The following ZSWIM9 variants were observed in gnomAD, a reference collection of about 807,000 sequenced individuals.
ZSWIM9 encodes zinc finger SWIM-type containing 9, also known as uncharacterized protein ZSWIM9.
Under a neutral mutation model 25.0 loss-of-function variants are expected in ZSWIM9, and 11 were observed. The ratio of observed to expected loss-of-function variants is 0.44; its 90% CI spans 0.28 to 0.73. ZSWIM9 has a LOEUF of 0.73. Among genes scored for constraint, ZSWIM9 ranks in the 30% least tolerant of loss-of-function variants. The pLI is 0.16. For synonymous variants in ZSWIM9, 562 were observed against 582.1 expected, an observed-to-expected ratio of 0.97 and a Z score of 0.50; for missense variants, 1,070 against 1,296.5, an observed-to-expected ratio of 0.83 and a Z score of 2.68.
At chr19:48,172,314 A>G (rs1254110086) in intron 2 of ZSWIM9, among the ~76,000 whole-genome samples, 1 of 151,550 alleles carries the variant, frequency 6.6e-6, no homozygotes, top group African/African-American at 2.4e-5. Context: ...GGCCCGACTT[A>G]CAGACTTTTT....
intron 3 of ZSWIM9, among the ~76,000 whole-genome samples, chr19:48,187,967 G>A (rs1488825897): frequency 6.6e-6 from 1 of 151,352 alleles, no homozygotes; most frequent in Non-Finnish European, 1.5e-5. Context: ...TAGATAGATA[G>A]ATAGATAGAT....
At position 48,196,779 on chromosome 19, in the gene ZSWIM9, C is replaced by G; in HGVS notation, c.2715C>G (p.Phe905Leu). Residue 905 changes from phenylalanine (F) to leucine (L), a missense_variant, in exon 4 of 4, where the codon TTC (phenylalanine) becomes TTG (leucine). Transcript: ENST00000614654. ...GCCTCCTCACTGGGGCTGCCTTATT[C>G]CACATGGACCTGCTCAGGGATTGCT... The part of the protein sequence containing the change: ...AARLLTGAAL[F>L]HMDLLRDCWG... 1 of 1,234,444 alleles carries G rather than the reference C, an allele frequency of 8.1e-7. No individual in the cohort carries two copies. Among genetic ancestry groups the G allele is most frequent in the Non-Finnish European group, 1.0e-6 (1 of 989,470 alleles). 76.5% of individuals were successfully genotyped at this position (1,234,444 alleles called of 1,614,324 possible). A position where few individuals can be genotyped will look rare whatever the true frequency, so the allele number is the denominator to read the frequency against.
At chr19:48,171,165 G>A in intron 1 of ZSWIM9, 1 of 927,300 alleles carries the variant, frequency 1.1e-6, no homozygotes, top group Non-Finnish European at 1.3e-6. Flanking sequence ...ACAGCTGCAT[G>A]TGGCGAGCCA....
At position 48,195,756 on chromosome 19, in the gene ZSWIM9, G is replaced by C; in HGVS notation, c.1692G>C (p.Leu564Phe). 1 of 1,490,252 alleles carries C rather than the reference G, an allele frequency of 6.7e-7. No individual in the cohort carries two copies. The highest frequency in any genetic ancestry group is 8.9e-7 in the Non-Finnish European group (1 of 1,127,558). 92.3% of individuals were successfully genotyped at this position (1,490,252 alleles called of 1,614,324 possible). Residue 564 changes from leucine (L) to phenylalanine (F), a missense_variant, in exon 4 of 4, where the codon TTG becomes TTC. Transcript: ENST00000614654. The surrounding 1 kb of genome is among the most constrained non-coding windows in gnomAD (Gnocchi z 5.8). Reference protein sequence around the residue: ...PEIRDWRGPQLEGEKDWGLEG... With the variant: ...PEIRDWRGPQFEGEKDWGLEG... ...TTAGAGACTGGAGGGGGCCCCAGTTGGAGGGTGAGAAAGATTGGGGACTGG... is the reference window on the plus strand; with the variant it reads ...TTAGAGACTGGAGGGGGCCCCAGTTCGAGGGTGAGAAAGATTGGGGACTGG...
chr19:48,187,428 ATTATATTATATATAT>A (rs1263389985), intron 3 of ZSWIM9, among the ~76,000 whole-genome samples: 1 of 104,380 alleles, frequency 9.6e-6, no homozygotes, highest in African/African-American at 3.7e-5. Flanking sequence ...TATATATTAT[ATTATATTATATATAT>A]TATATATTAT....
At position 48,187,479 on chromosome 19, in the gene ZSWIM9, T is replaced by C. The variant is rs866116409; in HGVS notation, c.588+4712T>C. 9.6e-3 allele frequency among the ~76,000 whole-genome samples: 636 copies of C among 66,380 alleles called. 14 individuals are homozygous for C. The highest frequency in any genetic ancestry group is 0.039 in the African/African-American group (605 of 15,324). 43.5% of individuals were successfully genotyped at this position (66,380 alleles called of 152,430 possible). On this transcript the variant is annotated intron_variant, in intron 3 of 3. Transcript: ENST00000614654. ...ATATTAATTATATATATTATATATA[T>C]TATATATTATATTATAATATATTAT...
Position 48,195,070 on chromosome 19 carries a change from G to A in ZSWIM9, c.1006G>A (p.Gly336Ser). The A allele has an allele frequency of 7.3e-7, 1 of 1,374,832 alleles. No homozygotes were observed. The highest frequency in any genetic ancestry group is 9.3e-7 in the Non-Finnish European group (1 of 1,073,534). The allele number at this position is 1,374,832 out of a possible 1,614,324, so 85.2% of individuals were successfully genotyped here. ...FSKAQELGGAGREDPGLWSRL... is the reference protein window; with the variant it reads ...FSKAQELGGASREDPGLWSRL... ...CAAGGCGCAGGAGCTGGGCGGCGCC[G>A]GCCGCGAGGACCCGGGCCTGTGGTC... The change falls in exon 4 of 4, where the codon GGC (glycine) becomes AGC (serine). Residue 336 changes from glycine (G) to serine (S), a missense_variant. Coordinates refer to ENST00000614654, the MANE Select transcript of ZSWIM9 (RefSeq NM_199341.4). This position sits in a 1 kb window ranked among gnomAD's most constrained non-coding sequence, Gnocchi z 5.8.
At chr19:48,180,722 CAAAG>C (rs1415928828) in intron 2 of ZSWIM9, 2 of 151,484 alleles carry the variant, frequency 1.3e-5, no homozygotes, top group Non-Finnish European at 2.9e-5. Context: ...TGCTCGGAAA[CAAAG>C]AGTTTTCTTT....
Position 48,196,261 on chromosome 19 carries a change from G to C in ZSWIM9, c.2197G>C (p.Gly733Arg). The C allele has an allele frequency of 8.1e-7, 1 of 1,233,462 alleles. No individual in the cohort carries two copies. The highest frequency in any genetic ancestry group is 1.0e-6 in the Non-Finnish European group (1 of 988,982). 76.4% of individuals were successfully genotyped at this position (1,233,462 alleles called of 1,614,324 possible). A position where few individuals can be genotyped will look rare whatever the true frequency, so the allele number is the denominator to read the frequency against. Reference protein sequence around the residue: ...TRVTGMENGDGGGARSVGPKS... With the variant: ...TRVTGMENGDRGGARSVGPKS... ...GGTCACAGGCATGGAGAATGGAGAT[G>C]GAGGGGGAGCCCGGTCCGTGGGCCC... Residue 733 changes from glycine to arginine, a missense_variant, in exon 4 of 4, where the codon GGA (glycine) becomes CGA (arginine). This residue lies in a region of ZSWIM9 where 583 missense variants were observed against 624.7 expected (regional missense o/e 0.93). Transcript: ENST00000614654.
Position 48,197,583 on chromosome 19 carries a change from T to C in ZSWIM9, c.*756T>C. 1 of 382,530 alleles carries C rather than the reference T, an allele frequency of 2.6e-6. No homozygotes were observed. Among genetic ancestry groups the C allele is most frequent in the Non-Finnish European group, 4.8e-6 (1 of 208,844 alleles). The allele number at this position is 382,530 out of a possible 1,614,324, so 23.7% of individuals were successfully genotyped here. On this transcript the variant is annotated 3_prime_UTR_variant, in exon 4 of 4. Coordinates refer to ENST00000614654, the MANE Select transcript of ZSWIM9 (RefSeq NM_199341.4). ...CAGGGGAGGGGAATTGTTTGGACTA[T>C]TGTTCTTCAGGATTGGAATAAAACA...
intron 2 of ZSWIM9, among the ~76,000 whole-genome samples, chr19:48,177,150 C>CT (rs1316421428): frequency 6.6e-6 from 1 of 152,058 alleles, no homozygotes; most frequent in African/African-American, 2.4e-5. Context: ...TCAGGGAAGA[C>CT]TTCCTGGAGG....
At chr19:48,190,366 C>G (rs1436965091) in intron 3 of ZSWIM9, 3 of 154,320 alleles carry the variant, frequency 1.9e-5, no homozygotes. Flanking sequence ...GCCCTCAAAT[C>G]TCAGTGGCTG....
rs753822176 is a variant in ZSWIM9, at chr19:48,195,036, G to T, written c.972G>T (p.Thr324=). 7.2e-7 allele frequency: 1 copy of T among 1,379,684 alleles called. No homozygotes were observed. The highest frequency in any genetic ancestry group is 1.5e-5 in the South Asian group (1 of 68,648). 85.5% of individuals were successfully genotyped at this position (1,379,684 alleles called of 1,614,324 possible). Residue 324 remains threonine, a synonymous_variant, in exon 4 of 4, where the codon ACG becomes ACT. Coordinates refer to ENST00000614654, the MANE Select transcript of ZSWIM9 (RefSeq NM_199341.4). This position sits in a 1 kb window ranked among gnomAD's most constrained non-coding sequence, Gnocchi z 5.8. ...TCTGCCGCGCGCAGGGCCTGGAGAC[G>T]CTCTTCAGCAAGGCGCAGGAGCTGG... is the stretch of plus-strand genomic sequence containing the variant. ...VQICRAQGLE[T]LFSKAQELGG...
At position 48,171,549 on chromosome 19, in the gene ZSWIM9, G is replaced by A. The variant is rs146686685; in HGVS notation, c.-9-245G>A. Among the ~76,000 whole-genome samples, 574 of 152,216 alleles carry A rather than the reference G, an allele frequency of 3.8e-3. 2 individuals carry two copies. The highest frequency in any genetic ancestry group is 6.0e-3 in the Non-Finnish European group (408 of 67,988). ...GGGTCACATCTGCGGAGGAGGAGAC[G>A]AGTTGGAATTAGGAATCAAGATGAC... On this transcript the variant is annotated intron_variant, in intron 1 of 3. Transcript: ENST00000614654.
intron 2 of ZSWIM9, 97 bp downstream of exon 2, chr19:48,172,174 C>T (rs770170528): frequency 1.5e-5 from 19 of 1,275,252 alleles, no homozygotes; most frequent in Non-Finnish European, 2.0e-5. Context: ...CCCAGAGATG[C>T]AGAGGGGGAG....
At position 48,194,933 on chromosome 19, in the gene ZSWIM9, G is replaced by T; in HGVS notation, c.869G>T (p.Arg290Leu). ...QSAPDVKGRV[R>L]CLTAGPEVAA... is the part of the protein sequence containing the mutation. ...GCGCCAGACGTCAAGGGCCGCGTGC[G>T]CTGCCTCACCGCCGGGCCCGAGGTG... The change falls in exon 4 of 4, where the codon CGC becomes CTC. Residue 290 changes from arginine (R) to leucine (L), a missense_variant. Physicochemically the swap from Arg to Leu is moderately radical, Grantham distance 102. Coordinates refer to ENST00000614654, the MANE Select transcript of ZSWIM9 (RefSeq NM_199341.4). The surrounding 1 kb of genome is among the most constrained non-coding windows in gnomAD (Gnocchi z 6.0). 7.6e-7 allele frequency: 1 copy of T among 1,320,276 alleles called. No homozygotes were observed. The highest frequency in any genetic ancestry group is 1.6e-5 in the African/African-American group (1 of 62,986). The allele number at this position is 1,320,276 out of a possible 1,614,324, so 81.8% of individuals were successfully genotyped here.
At chr19:48,190,215 A>AC (rs199792675) in intron 3 of ZSWIM9, among the ~76,000 whole-genome samples, 1,615 of 151,662 alleles carry the variant, frequency 0.011, 30 homozygotes, top group African/African-American at 0.037. Flanking sequence ...AAAAAAAAAA[A>AC]AAGAAAGAAA....
chr19:48,196,207 A>G lies in ZSWIM9; in HGVS notation c.2143A>G (p.Ile715Val). The change falls in exon 4 of 4, where the codon ATA (isoleucine) becomes GTA (valine). Residue 715 changes from isoleucine to valine, a missense_variant. By Grantham distance (29) the Ile-to-Val change is conservative (BLOSUM62 3). Transcript: ENST00000614654. ...CAAAAGAAGAAGGGGCCTGGAGGAT[A>G]TAGTTCTGGTCCAGCTGGGAGACAC... ...GVKRRRGLED[I>V]VLVQLGDTRV... 1 of 1,234,978 alleles carries G rather than the reference A, an allele frequency of 8.1e-7. No homozygotes were observed. Among genetic ancestry groups the G allele is most frequent in the Non-Finnish European group, 1.0e-6 (1 of 990,126 alleles). 76.5% of individuals were successfully genotyped at this position (1,234,978 alleles called of 1,614,324 possible).
rs771366389 is a variant in ZSWIM9, at chr19:48,182,493, A to G, written c.314A>G (p.Lys105Arg). 2 of 1,535,422 alleles carry G rather than the reference A, an allele frequency of 1.3e-6. No individual in the cohort carries two copies. Among genetic ancestry groups the G allele is most frequent in the South Asian group, 2.4e-5 (2 of 83,992 alleles). Residue 105 changes from lysine (K) to arginine (R), a missense_variant, in exon 3 of 4, where the codon AAG (lysine) becomes AGG (arginine). Lys to Arg is a conservative substitution (Grantham distance 26). Around this residue, in one of 4 missense-constraint regions of ZSWIM9, gnomAD observed 265 missense variants for 339.0 expected, o/e 0.78. Coordinates refer to ENST00000614654, the MANE Select transcript of ZSWIM9 (RefSeq NM_199341.4). This position sits in a 1 kb window ranked among gnomAD's most constrained non-coding sequence, Gnocchi z 4.6. ...GGCTGCCCCGCCTTCATCATCGTCA[A>G]GCTGAGCCCGCTGCGGGACCGCCTC... is the stretch of plus-strand genomic sequence containing the variant. The part of the protein sequence containing the change: ...QPGCPAFIIV[K>R]LSPLRDRLVV...
Sources: gnomAD v4.1 joint callset for allele counts (sites outside exome capture counted in the v4.1 genomes callset) on GRCh38, gnomAD v4.1.1 for gene constraint, gnomAD v4.1.1 regional missense constraint, Gnocchi (gnomAD v3.1) non-coding constraint, MANE v1.5 for transcripts, NCBI Gene and HGNC (gene_info 2026-07-23, HGNC 2026-07-21) for gene names.